The following DOCK7 variants were observed in gnomAD, a reference collection of about 807,000 sequenced individuals.
DOCK7 encodes the protein dedicator of cytokinesis protein 7.
In DOCK7, 138 loss-of-function variants were observed where a neutral mutation model predicts 271.0. That is an observed-to-expected ratio of 0.51 (90% CI 0.44 to 0.59). The LOEUF is 0.59. Among genes scored for constraint, DOCK7 ranks in the 20% least tolerant of loss-of-function variants. The pLI is 0.00. For missense variants in DOCK7, 2,066 were observed against 2,592.4 expected, an observed-to-expected ratio of 0.80 and a Z score of 4.41; for synonymous variants, 823 against 876.1, an observed-to-expected ratio of 0.94 and a Z score of 1.07.
At chr1:62,657,586 A>T (rs184252045) in intron 2 of DOCK7, among the ~76,000 whole-genome samples, 34 of 152,358 alleles carry the variant, frequency 2.2e-4, no homozygotes, top group Admixed American at 2.0e-3. Flanking sequence ...AAGATAAGTG[A>T]TCTTAGCATT....
chr1:62,539,727 T>G (rs765356033), intron 26 of DOCK7, 25 bp downstream of exon 26: 3 of 1,611,396 alleles, frequency 1.9e-6, no homozygotes, highest in East Asian at 2.2e-5. Context: ...GAAAGAGAGA[T>G]AAGTGGGGAA....
chr1:62,646,176 A>AG (rs1656636502), intron 7 of DOCK7, among the ~76,000 whole-genome samples: 1 of 151,958 alleles, frequency 6.6e-6, no homozygotes, highest in South Asian at 2.1e-4. Flanking sequence ...AAACAAAAAA[A>AG]AAACCCACTC....
At position 62,475,246 on chromosome 1, in the gene DOCK7, T is replaced by C; in HGVS notation, c.6067A>G (p.Met2023Val). ...GTGCCTACAGATCCCTGGAGTACCA[T>C]CTGAAGCATTTTGGGGTCTGCGGGA... ...QDPADPKMLQ[M>V]VLQGSVGTTV... The change falls in exon 47 of 50, where the codon ATG becomes GTG. Residue 2023 changes from methionine (M) to valine (V), a missense_variant. Coordinates refer to ENST00000635253, the MANE Select transcript of DOCK7 (RefSeq NM_001367561.1). 1.2e-6 allele frequency: 2 copies of C among 1,614,016 alleles called. No individual in the cohort carries two copies. The highest frequency in any genetic ancestry group is 1.7e-6 in the Non-Finnish European group (2 of 1,179,930).
chr1:62,639,221 T>C (rs1655670219), intron 7 of DOCK7, among the ~76,000 whole-genome samples: 1 of 152,058 alleles, frequency 6.6e-6, no homozygotes. Context: ...ATATAAATTA[T>C]AGATTCAGCT....
At chr1:62,658,475 T>C (rs1658290854) in intron 2 of DOCK7, among the ~76,000 whole-genome samples, 2 of 151,024 alleles carry the variant, frequency 1.3e-5, no homozygotes, top group South Asian at 2.1e-4. Context: ...TAAAATAAAA[T>C]AAAACAAAAT....
intron 37 of DOCK7, among the ~76,000 whole-genome samples, chr1:62,503,846 G>C (rs1049047919): frequency 6.6e-6 from 1 of 152,066 alleles, no homozygotes; most frequent in African/African-American, 2.4e-5. Context: ...AGGAGATCGA[G>C]ACCATCCTGG....
intron 14 of DOCK7, chr1:62,601,981 A>T: frequency 1.4e-6 from 1 of 699,800 alleles, no homozygotes; most frequent in Non-Finnish European, 2.5e-6. Flanking sequence ...ACATATATAT[A>T]TGAAATATAT....
intron 48 of DOCK7, among the ~76,000 whole-genome samples, chr1:62,464,233 G>T (rs1193434791): frequency 6.6e-6 from 1 of 151,510 alleles, no homozygotes; most frequent in African/African-American, 2.4e-5. Context: ...CTAATTTCTT[G>T]TATTTTTAGT....
intron 31 of DOCK7, among the ~76,000 whole-genome samples, chr1:62,526,086 C>A (rs1644998699): frequency 6.6e-6 from 1 of 152,068 alleles, no homozygotes; most frequent in Non-Finnish European, 1.5e-5. Context: ...ACAGTAGGCA[C>A]ATGCCACCAC....
intron 2 of DOCK7, among the ~76,000 whole-genome samples, chr1:62,656,349 G>C (rs536100530): frequency 6.6e-6 from 1 of 152,038 alleles, no homozygotes; most frequent in Non-Finnish European, 1.5e-5. Flanking sequence ...AAAAGACACT[G>C]TTAAGAAAAT....
chr1:62,602,308 C>T, intron 14 of DOCK7: 3 of 1,610,354 alleles, frequency 1.9e-6, no homozygotes, highest in Non-Finnish European at 2.5e-6. Flanking sequence ...ATTAATTCAA[C>T]ATCGAATAGA....
intron 22 of DOCK7, among the ~76,000 whole-genome samples, chr1:62,547,113 AAT>A: frequency 6.6e-6 from 1 of 152,264 alleles, no homozygotes; most frequent in South Asian, 2.1e-4. Flanking sequence ...GATAATCGCT[AAT>A]ATGAGAATAA....
chr1:62,492,507 TG>T, intron 41 of DOCK7, 196 bp downstream of exon 41: 1 of 567,300 alleles, frequency 1.8e-6, no homozygotes, highest in East Asian at 3.4e-5. Flanking sequence ...ATGCTGGTCT[TG>T]AACTCCTGGA....
At chr1:62,557,808 T>A (rs191143777) in intron 20 of DOCK7, among the ~76,000 whole-genome samples, 1 of 152,036 alleles carries the variant, frequency 6.6e-6, no homozygotes, top group East Asian at 1.9e-4. Flanking sequence ...AACCTTCTTC[T>A]ATAATTTCTG....
intron 31 of DOCK7, among the ~76,000 whole-genome samples, chr1:62,525,716 C>T (rs1644986852): frequency 6.6e-6 from 1 of 152,038 alleles, no homozygotes; most frequent in Non-Finnish European, 1.5e-5. Context: ...TTTGTACATG[C>T]ACTTTATTGT....
At chr1:62,684,466 T>C (rs900423904) in intron 1 of DOCK7, among the ~76,000 whole-genome samples, 2 of 152,240 alleles carry the variant, frequency 1.3e-5, no homozygotes, top group Non-Finnish European at 2.9e-5. Context: ...ATTAACTTTA[T>C]TGAGGCTGTT....
chr1:62,548,075 T>C (rs1366650821), intron 22 of DOCK7, among the ~76,000 whole-genome samples: 1 of 152,112 alleles, frequency 6.6e-6, no homozygotes, highest in Non-Finnish European at 1.5e-5. Context: ...TTGAATAAGT[T>C]AGACATTACA....
chr1:62,582,645 T>A (rs561957916), intron 16 of DOCK7, among the ~76,000 whole-genome samples: 8 of 149,932 alleles, frequency 5.3e-5, no homozygotes, highest in Non-Finnish European at 8.9e-5. Flanking sequence ...CCCTATCATA[T>A]GATACAATAA....
chr1:62,602,142 TAATA>T, intron 14 of DOCK7: 1 of 721,244 alleles, frequency 1.4e-6, no homozygotes, highest in Non-Finnish European at 2.3e-6. Flanking sequence ...TTTGGGACCA[TAATA>T]AATAATAAAA....
Sources: gnomAD v4.1 joint callset for allele counts (sites outside exome capture counted in the v4.1 genomes callset) on GRCh38, gnomAD v4.1.1 for gene constraint, MANE v1.5 for transcripts, NCBI Gene and HGNC (gene_info 2026-07-23, HGNC 2026-07-21) for gene names.